The following PTPRK variants were observed in gnomAD, a reference collection of about 807,000 sequenced individuals.
PTPRK encodes protein tyrosine phosphatase receptor type K.
In PTPRK, 75 loss-of-function variants were observed where a neutral mutation model predicts 178.0. That is an observed-to-expected ratio of 0.42 (90% CI 0.35 to 0.51). PTPRK has a LOEUF of 0.51. Ranked by LOEUF, PTPRK falls within the 20% of genes least tolerant of loss-of-function variation. The pLI is 0.02. For missense variants in PTPRK, 1,441 were observed against 1,797.8 expected (o/e 0.80, Z 3.59); for synonymous variants, 637 against 620.6 (o/e 1.03, Z -0.39).
intron 1 of PTPRK, among the ~76,000 whole-genome samples, chr6:128,432,369 T>C (rs1357967832): frequency 6.6e-6 from 1 of 152,214 alleles, no homozygotes; most frequent in African/African-American, 2.4e-5. Flanking sequence ...AATGCAATAG[T>C]GTAATAATAG....
intron 7 of PTPRK, among the ~76,000 whole-genome samples, chr6:128,181,081 C>T (rs1232712453): frequency 6.6e-6 from 1 of 151,936 alleles, no homozygotes; most frequent in South Asian, 2.1e-4. Context: ...ATGATACATT[C>T]ACTTCATATG....
chr6:128,150,270 A>G (rs1797066157), intron 7 of PTPRK, among the ~76,000 whole-genome samples: 1 of 152,130 alleles, frequency 6.6e-6, no homozygotes, highest in East Asian at 1.9e-4. Flanking sequence ...ATCACATAAA[A>G]TCATTTCTGA....
intron 1 of PTPRK, among the ~76,000 whole-genome samples, chr6:128,446,621 T>C (rs1456891613): frequency 6.6e-6 from 1 of 152,178 alleles, no homozygotes; most frequent in Non-Finnish European, 1.5e-5. Context: ...CAAGAAGTAA[T>C]GAGAGGTTGG....
At chr6:128,294,802 A>C (rs1160657740) in intron 3 of PTPRK, among the ~76,000 whole-genome samples, 1 of 152,116 alleles carries the variant, frequency 6.6e-6, no homozygotes, top group Admixed American at 6.6e-5. Flanking sequence ...TATAATATAC[A>C]TTCTACTTCT....
At chr6:128,449,291 C>T (rs997446979) in intron 1 of PTPRK, among the ~76,000 whole-genome samples, 2 of 152,166 alleles carry the variant, frequency 1.3e-5, no homozygotes, top group Non-Finnish European at 1.5e-5. Flanking sequence ...TTATTTAAAA[C>T]CCTTTTAACA....
In PTPRK at chr6:127,982,768, G is replaced by A. The variant is rs1379933458; in HGVS notation, c.3537+63C>T. On this transcript the variant is annotated intron_variant, in intron 24 of 29. Transcript: ENST00000368226. ...TGACTTGAAAGACCTTCCTTGAAAG[G>A]ATTCCTAGCGCCCAGAACAAATTGT... is the stretch of plus-strand genomic sequence containing the variant. 2.1e-6 allele frequency: 3 copies of A among 1,449,324 alleles called. No homozygotes were observed. In the African/African-American group the frequency reaches 4.3e-5, roughly 21 times the overall value. The allele number at this position is 1,449,324 out of a possible 1,614,324, so 89.8% of individuals were successfully genotyped here.
chr6:128,121,981 G>GCAGTTAA (rs1792541699), intron 7 of PTPRK, among the ~76,000 whole-genome samples: 1 of 152,042 alleles, frequency 6.6e-6, no homozygotes, highest in African/African-American at 2.4e-5. Context: ...TCCATAAAGG[G>GCAGTTAA]CAGTTAACAC....
intron 27 of PTPRK, among the ~76,000 whole-genome samples, chr6:127,975,117 A>C (rs752227671): frequency 6.6e-6 from 1 of 152,196 alleles, no homozygotes; most frequent in African/African-American, 2.4e-5. Context: ...AATAAGGACC[A>C]GAATACCAAA....
At chr6:128,058,732 A>AT (rs372505479) in intron 13 of PTPRK, among the ~76,000 whole-genome samples, 3,075 of 149,470 alleles carry the variant, frequency 0.021, 27 homozygotes, top group Middle Eastern at 0.074. Context: ...AATTGTTTAA[A>AT]TTTTTTTTTT....
chr6:128,034,612 T>C (rs1308168729), intron 13 of PTPRK, among the ~76,000 whole-genome samples: 1 of 152,204 alleles, frequency 6.6e-6, no homozygotes, highest in African/African-American at 2.4e-5. Flanking sequence ...TTTAGATTTA[T>C]TAAGTAGGCC....
At chr6:128,218,784 A>G (rs1809836684) in intron 6 of PTPRK, 138 bp downstream of exon 6, 1 of 826,812 alleles carries the variant, frequency 1.2e-6, no homozygotes, top group Non-Finnish European at 1.8e-6. Flanking sequence ...ATTCTGAGAA[A>G]TTGTATGATG....
chr6:128,064,607 C>T lies in PTPRK; in HGVS notation c.2194+151G>A, dbSNP rs915452014. The T allele has an allele frequency of 2.0e-5, 17 of 860,308 alleles. No homozygotes were observed. The African/African-American group carries it at 2.6e-4, about 13-fold the overall frequency. The allele number at this position is 860,308 out of a possible 1,614,324, so 53.3% of individuals were successfully genotyped here. A position where few individuals can be genotyped will look rare whatever the true frequency, so the allele number is the denominator to read the frequency against. ...TCAAGTACTAGAGGATGGGAAGTAG[C>T]ACCCCATTAGTTGTTAAAGACACCC... On this transcript the variant is annotated intron_variant, in intron 13 of 29. Transcript: ENST00000368226.
At chr6:128,286,261 C>A (rs143615952) in intron 3 of PTPRK, among the ~76,000 whole-genome samples, 2 of 152,054 alleles carry the variant, frequency 1.3e-5, no homozygotes, top group Non-Finnish European at 2.9e-5. Flanking sequence ...TCGAACTGTG[C>A]GTTTATAGTT....
chr6:128,129,664 G>A (rs1340250425), intron 7 of PTPRK, among the ~76,000 whole-genome samples: 3 of 152,114 alleles, frequency 2.0e-5, no homozygotes, highest in Admixed American at 6.5e-5. Flanking sequence ...TAAAAACAGT[G>A]TGTACAGACG....
intron 2 of PTPRK, among the ~76,000 whole-genome samples, chr6:128,377,522 C>T (rs1019645792): frequency 6.6e-6 from 1 of 152,074 alleles, no homozygotes; most frequent in African/African-American, 2.4e-5. Context: ...CAAACCATAT[C>T]ATGTACCATT....
At chr6:128,235,907 G>A (rs1362991494) in intron 5 of PTPRK, among the ~76,000 whole-genome samples, 1 of 152,010 alleles carries the variant, frequency 6.6e-6, no homozygotes, top group African/African-American at 2.4e-5. Context: ...ATCCTAAGGA[G>A]GGTGAGTAAA....
chr6:128,368,068 G>T (rs1183311581), intron 2 of PTPRK, among the ~76,000 whole-genome samples: 1 of 152,070 alleles, frequency 6.6e-6, no homozygotes, highest in Non-Finnish European at 1.5e-5. Context: ...TTCCAAAATT[G>T]CTGAGTTTGT....
At chr6:128,249,369 A>C (rs890121142) in intron 3 of PTPRK, among the ~76,000 whole-genome samples, 15 of 151,890 alleles carry the variant, frequency 9.9e-5, no homozygotes, top group African/African-American at 2.4e-4. Context: ...AAAGTCAGTA[A>C]AGAGTTTATG....
intron 1 of PTPRK, among the ~76,000 whole-genome samples, chr6:128,466,175 A>T (rs1332174940): frequency 6.6e-6 from 1 of 152,186 alleles, no homozygotes; most frequent in East Asian, 1.9e-4. Context: ...TTCTTGTAGC[A>T]ACTACTGTCA....
Sources: gnomAD v4.1 joint callset for allele counts (sites outside exome capture counted in the v4.1 genomes callset) on GRCh38, gnomAD v4.1.1 for gene constraint, MANE v1.5 for transcripts, NCBI Gene and HGNC (gene_info 2026-07-23, HGNC 2026-07-21) for gene names.